Variants in PHKA1 observed in about 807,000 individuals in gnomAD.
PHKA1 encodes phosphorylase b kinase regulatory subunit alpha, skeletal muscle isoform.
A neutral mutation model predicts 110.2 loss-of-function variants in PHKA1; 60 were observed. The ratio of observed to expected loss-of-function variants is 0.54; its 90% CI spans 0.44 to 0.68. PHKA1 has a LOEUF of 0.68. Among genes scored for constraint, PHKA1 ranks in the 30% least tolerant of loss-of-function variants. PHKA1 has a pLI of 0.00. For missense variants in PHKA1, 801 were observed against 942.5 expected, an observed-to-expected ratio of 0.85 and a Z score of 1.97; for synonymous variants, 316 against 333.6, an observed-to-expected ratio of 0.95 and a Z score of 0.58.
chrX:72,646,410 T>C (rs2053360290), intron 13 of PHKA1, among the ~76,000 whole-genome samples: 1 of 111,777 alleles, frequency 8.9e-6, no homozygotes, highest in South Asian at 3.8e-4. Flanking sequence ...GGCACTGCCA[T>C]ATGTTAAGGA....
At chrX:72,592,373 A>G (rs2052533519) in intron 29 of PHKA1, among the ~76,000 whole-genome samples, 3 of 112,349 alleles carry the variant, frequency 2.7e-5, no homozygotes, top group Non-Finnish European at 5.6e-5. Context: ...GGATGAAGTG[A>G]TCTTCAGGTC....
At chrX:72,699,559 G>A (rs2054178799) in intron 3 of PHKA1, among the ~76,000 whole-genome samples, 2 of 93,285 alleles carry the variant, frequency 2.1e-5, no homozygotes, top group African/African-American at 3.9e-5. Flanking sequence ...AAACCAGAAA[G>A]TCCAAATATT....
chrX:72,641,002 A>T (rs782083885), intron 14 of PHKA1, among the ~76,000 whole-genome samples: 10 of 111,387 alleles, frequency 9.0e-5, no homozygotes, highest in Non-Finnish European at 1.7e-4. Context: ...ATAAGCAAGC[A>T]ATTGTAGACA....
intron 16 of PHKA1, among the ~76,000 whole-genome samples, chrX:72,629,774 A>C (rs1030591913): frequency 5.4e-5 from 6 of 111,078 alleles, no homozygotes; most frequent in Non-Finnish European, 7.5e-5. Context: ...TGATTTACCT[A>C]TACTGGGTTT....
chrX:72,691,569 A>G (rs1204577223), intron 4 of PHKA1, among the ~76,000 whole-genome samples: 1 of 112,405 alleles, frequency 8.9e-6, no homozygotes, highest in Non-Finnish European at 1.9e-5. Context: ...AATGTTTCAT[A>G]TCTTTCAAAG....
At chrX:72,692,465 C>T (rs782258052) in intron 4 of PHKA1, among the ~76,000 whole-genome samples, 114 of 111,392 alleles carry the variant, frequency 1.0e-3, no homozygotes, top group African/African-American at 3.2e-3. Context: ...TATCTGCACC[C>T]GGGCTTACTT....
chrX:72,588,163 A>G (rs1556217645), intron 29 of PHKA1, among the ~76,000 whole-genome samples: 1 of 112,333 alleles, frequency 8.9e-6, no homozygotes, highest in Non-Finnish European at 1.9e-5. Context: ...TTATTCTAAA[A>G]TTGACCATAT....
chrX:72,620,949 T>C, intron 18 of PHKA1, 48 bp from the exon 19 acceptor site: 2 of 1,152,307 alleles, frequency 1.7e-6, no homozygotes, highest in South Asian at 1.9e-5. Context: ...TGAAAATATT[T>C]TAGTTACTTT....
rs1556228024 is a variant in PHKA1, at chrX:72,593,123, A to G, written c.3224T>C (p.Val1075Ala). 2.5e-6 allele frequency: 3 copies of G among 1,199,117 alleles called. No homozygotes were observed. The highest frequency in any genetic ancestry group is 3.4e-6 in the Non-Finnish European group (3 of 884,110). Residue 1075 changes from valine (V) to alanine (A), a missense_variant, in exon 29 of 32, where the codon GTA becomes GCA. Physicochemically the swap from Val to Ala is moderately conservative, Grantham distance 64 (BLOSUM62 0). This residue lies in a region of PHKA1 where 502 missense variants were observed against 519.2 expected (regional missense o/e 0.97). Coordinates refer to ENST00000373542, the MANE Select transcript of PHKA1 (RefSeq NM_002637.4). ...NRVPVGFYQK[V>A]WKVLQKCHGL... ...GCTCACCTTCTGCAAAACTTTCCATACTTTCTGATAAAATCCAACTGGAAC... is the reference window on the plus strand; with the variant it reads ...GCTCACCTTCTGCAAAACTTTCCATGCTTTCTGATAAAATCCAACTGGAAC...
intron 8 of PHKA1, among the ~76,000 whole-genome samples, chrX:72,659,908 T>G (rs1468630026): frequency 8.9e-6 from 1 of 112,296 alleles, no homozygotes; most frequent in Non-Finnish European, 1.9e-5. Context: ...ATGGTTGTGT[T>G]CCAATAAAAC....
rs781908107 is a variant in PHKA1, at chrX:72,621,633, T to G, written c.1961-732A>C. On this transcript the variant is annotated intron_variant, in intron 18 of 31. Coordinates refer to ENST00000373542, the MANE Select transcript of PHKA1 (RefSeq NM_002637.4). Reference sequence around the variant, plus strand: ...GCTGTATCAGTCATGAGTCTTCTGGTTTTTGATGATATTTACTGATCTCTC... The same window carrying G: ...GCTGTATCAGTCATGAGTCTTCTGGGTTTTGATGATATTTACTGATCTCTC... 2.6e-5 allele frequency: 6 copies of G among 232,612 alleles called. No individual in the cohort carries two copies. The East Asian group carries it at 9.6e-4, about 37-fold the overall frequency. The allele number at this position is 232,612 out of a possible 1,213,427, so 19.2% of individuals were successfully genotyped here.
At chrX:72,645,288 C>T (rs2053347570) in intron 13 of PHKA1, among the ~76,000 whole-genome samples, 1 of 112,527 alleles carries the variant, frequency 8.9e-6, no homozygotes, top group Non-Finnish European at 1.9e-5. Context: ...GCCCTCTACT[C>T]CTGCTCCTCT....
chrX:72,713,842 G>A lies in PHKA1; in HGVS notation c.39C>T (p.Gly13=). Residue 13 remains glycine (G), a synonymous_variant, in exon 1 of 32, where the codon GGC becomes GGT. Coordinates refer to ENST00000373542, the MANE Select transcript of PHKA1 (RefSeq NM_002637.4). The part of the protein sequence containing the change: ...SRSNSGVRLD[G]YARLVQQTIL... ...TGGTCTGTTGCACCAGTCGAGCGTA[G>A]CCGTCCAGCCGGACCCCGGAGTTAC... 2.5e-6 allele frequency: 3 copies of A among 1,208,647 alleles called. No homozygotes were observed. The highest frequency in any genetic ancestry group is 5.9e-5 in the East Asian group (2 of 33,817).
intron 8 of PHKA1, among the ~76,000 whole-genome samples, chrX:72,665,814 G>C (rs2053610647): frequency 1.8e-5 from 2 of 111,786 alleles, no homozygotes; most frequent in African/African-American, 6.5e-5. Context: ...TATGAATAAA[G>C]CTGCTGTAAA....
chrX:72,698,724 T>A (rs2054162924), intron 3 of PHKA1, among the ~76,000 whole-genome samples: 1 of 112,110 alleles, frequency 8.9e-6, no homozygotes, highest in Non-Finnish European at 1.9e-5. Context: ...AATAAGGAGG[T>A]TTGTTTTGGG....
chrX:72,651,565 TA>T (rs781831060), intron 12 of PHKA1, among the ~76,000 whole-genome samples: 52 of 110,451 alleles, frequency 4.7e-4, no homozygotes, highest in Non-Finnish European at 9.1e-4. Flanking sequence ...AAATAAATTT[TA>T]AAAAAAGAAA....
chrX:72,688,422 C>T (rs1241908127), intron 4 of PHKA1, among the ~76,000 whole-genome samples: 5 of 112,328 alleles, frequency 4.5e-5, no homozygotes, highest in African/African-American at 1.3e-4. Context: ...TGTGACAATG[C>T]GATTGAGCAG....
At chrX:72,689,097 T>C (rs1342897403) in intron 4 of PHKA1, 2 of 112,296 alleles carry the variant, frequency 1.8e-5, no homozygotes, top group African/African-American at 6.5e-5. Flanking sequence ...TGGAGCTAAA[T>C]CAGTGGTCTA....
chrX:72,617,117 C>A (rs1395444706), intron 21 of PHKA1, among the ~76,000 whole-genome samples: 2 of 110,154 alleles, frequency 1.8e-5, no homozygotes, highest in Non-Finnish European at 3.8e-5. Flanking sequence ...CAAACTAAAC[C>A]CAAAATTAGT....
Sources: gnomAD v4.1 joint callset for allele counts (sites outside exome capture counted in the v4.1 genomes callset) on GRCh38, gnomAD v4.1.1 for gene constraint, gnomAD v4.1.1 regional missense constraint, MANE v1.5 for transcripts, NCBI Gene and HGNC (gene_info 2026-07-23, HGNC 2026-07-21) for gene names.